Variants in GNG2 observed in about 807,000 individuals in gnomAD.
GNG2 encodes guanine nucleotide-binding protein G(I)/G(S)/G(O) subunit gamma-2.
In GNG2, 5 loss-of-function variants were observed where a neutral mutation model predicts 5.5. That is an observed-to-expected ratio of 0.91 (90% CI 0.48 to 1.92). GNG2 has a LOEUF of 1.92. GNG2 is among the 30% of genes most tolerant of loss of function. The probability of loss-of-function intolerance (pLI) is 0.01; values close to 1 mark genes in which losing one functional copy is unlikely to be tolerated. For synonymous variants in GNG2, 28 were observed against 32.0 expected, an observed-to-expected ratio of 0.88 and a Z score of 0.42; for missense variants, 55 against 88.4, an observed-to-expected ratio of 0.62 and a Z score of 1.52.
chr14:51,889,809 G>A (rs926155842), intron 2 of GNG2, among the ~76,000 whole-genome samples: 3 of 152,252 alleles, frequency 2.0e-5, no homozygotes, highest in Non-Finnish European at 4.4e-5. Flanking sequence ...TTGGTTTATT[G>A]GAGATAATAA....
chr14:51,881,701 CTTTTTTT>C lies in GNG2; in HGVS notation c.-30+4061_-30+4067del, dbSNP rs58544362. Among the ~76,000 whole-genome samples, 211 of 104,222 alleles carry C rather than the reference CTTTTTTT, an allele frequency of 2.0e-3. 2 individuals carry two copies. Among genetic ancestry groups the C allele is most frequent in the Middle Eastern group, 7.0e-3 (1 of 142 alleles). 68.4% of individuals were successfully genotyped at this position (104,222 alleles called of 152,430 possible). ...CATTTGACTTTTAGGAGCTGGAAGA[CTTTTTTT>C]TTTTTTTTTTTTTTTTAACGTATTT... On this transcript the variant is annotated intron_variant, in intron 2 of 3. Transcript: ENST00000556766.
chr14:51,968,058 T>G lies in GNG2; in HGVS notation c.*1371T>G, dbSNP rs1890024339. 6.6e-6 allele frequency: 1 copy of G among 152,236 alleles called. No homozygotes were observed. The highest frequency in any genetic ancestry group is 1.5e-5 in the Non-Finnish European group (1 of 68,040). 9.4% of individuals were successfully genotyped at this position (152,236 alleles called of 1,614,324 possible). A position where few individuals can be genotyped will look rare whatever the true frequency, so the allele number is the denominator to read the frequency against. On this transcript the variant is annotated 3_prime_UTR_variant, in exon 4 of 4. Coordinates refer to ENST00000556766, the MANE Select transcript of GNG2 (RefSeq NM_053064.5). ...TCTTGGTTTTTCACTTAACAAATTTTTTAATGGAATCTTTGTTTTTGTTCT... is the reference window on the plus strand; with the variant it reads ...TCTTGGTTTTTCACTTAACAAATTTGTTAATGGAATCTTTGTTTTTGTTCT...
At chr14:51,939,348 T>C (rs1469784411) in intron 2 of GNG2, among the ~76,000 whole-genome samples, 2 of 152,240 alleles carry the variant, frequency 1.3e-5, no homozygotes, top group East Asian at 1.9e-4. Context: ...TCGAGGACTC[T>C]GTTTTTTGTC....
intron 2 of GNG2, among the ~76,000 whole-genome samples, chr14:51,849,315 C>A (rs1881800600): frequency 6.6e-6 from 1 of 152,240 alleles, no homozygotes; most frequent in Admixed American, 6.5e-5. Context: ...AAGGTGGAAG[C>A]TACAGGGCCT....
chr14:51,922,855 G>T (rs1887095544), intron 2 of GNG2, among the ~76,000 whole-genome samples: 2 of 152,160 alleles, frequency 1.3e-5, no homozygotes, highest in Non-Finnish European at 2.9e-5. Context: ...TCCAGTCAAA[G>T]ATTGCAACTG....
chr14:51,937,191 G>A (rs187398482), intron 2 of GNG2, among the ~76,000 whole-genome samples: 1 of 152,298 alleles, frequency 6.6e-6, no homozygotes, highest in East Asian at 1.9e-4. Context: ...TTTAAAAACA[G>A]TATTGATTGA....
intron 1 of GNG2, chr14:51,874,232 C>G (rs1883496663): frequency 6.6e-6 from 1 of 152,210 alleles, no homozygotes; most frequent in African/African-American, 2.4e-5. Context: ...TCAAGACCAT[C>G]CTGGCTAACG....
At chr14:51,882,157 C>T (rs760502450) in intron 2 of GNG2, among the ~76,000 whole-genome samples, 4 of 151,972 alleles carry the variant, frequency 2.6e-5, no homozygotes, top group African/African-American at 9.7e-5. Context: ...GGTTTCCTTC[C>T]GGGGTGATGG....
In GNG2 at chr14:51,950,794, C is replaced by G. The variant is rs577143990; in HGVS notation, c.87+29C>G. 2.5e-4 allele frequency: 351 copies of G among 1,403,664 alleles called. No homozygotes were observed. The East Asian group carries it at 3.0e-3, about 12-fold the overall frequency. The allele number at this position is 1,403,664 out of a possible 1,614,324, so 87.0% of individuals were successfully genotyped here. On this transcript the variant is annotated intron_variant, in intron 3 of 3. Transcript: ENST00000556766. Reference sequence around the variant, plus strand: ...AGGATGGTCTAACCCCACACTTCATCTAGCGTGAGTCTAAGGCGCATGTCA... The same window carrying G: ...AGGATGGTCTAACCCCACACTTCATGTAGCGTGAGTCTAAGGCGCATGTCA...
intron 1 of GNG2, among the ~76,000 whole-genome samples, chr14:51,864,865 A>C (rs1263175660): frequency 6.6e-6 from 1 of 152,210 alleles, no homozygotes; most frequent in Non-Finnish European, 1.5e-5. Flanking sequence ...CAATACAACA[A>C]GTTTCTGAGA....
chr14:51,834,260 C>T (rs1881275471), intron 2 of GNG2, among the ~76,000 whole-genome samples: 1 of 152,232 alleles, frequency 6.6e-6, no homozygotes. Context: ...CTTACCTATA[C>T]ATTGAAGTTC....
chr14:51,869,764 C>T (rs868517852), intron 1 of GNG2, among the ~76,000 whole-genome samples: 6 of 152,332 alleles, frequency 3.9e-5, no homozygotes, highest in East Asian at 3.9e-4. Flanking sequence ...CCACCCACCT[C>T]GGCCTCCCAA....
At chr14:51,912,703 T>C (rs886331992) in intron 2 of GNG2, among the ~76,000 whole-genome samples, 1 of 152,236 alleles carries the variant, frequency 6.6e-6, no homozygotes, top group Non-Finnish European at 1.5e-5. Flanking sequence ...GCCTGGATGC[T>C]TTCTTCTAAG....
chr14:51,869,211 C>T (rs192668351), intron 1 of GNG2, among the ~76,000 whole-genome samples: 19 of 152,278 alleles, frequency 1.2e-4, no homozygotes, highest in Admixed American at 5.9e-4. Context: ...AATAACCCTA[C>T]GAAATAAGGA....
chr14:51,856,991 G>A (rs537815743), upstream of GNG2, among the ~76,000 whole-genome samples: 18 of 152,236 alleles, frequency 1.2e-4, no homozygotes, highest in Admixed American at 9.8e-4. Context: ...TCACTCAAAG[G>A]AATGGAATTT....
At chr14:51,839,399 A>G (rs113470223) in intron 2 of GNG2, among the ~76,000 whole-genome samples, 3,613 of 152,294 alleles carry the variant, frequency 0.024, 50 homozygotes, top group African/African-American at 0.036. Context: ...GATGACTTCG[A>G]GTTCTGTCTG....
intron 2 of GNG2, among the ~76,000 whole-genome samples, chr14:51,853,767 T>C (rs1035079600): frequency 6.6e-6 from 1 of 152,230 alleles, no homozygotes; most frequent in Non-Finnish European, 1.5e-5. Flanking sequence ...CTGACATTCC[T>C]TTTAAAGGAC....
intron 2 of GNG2, among the ~76,000 whole-genome samples, chr14:51,947,134 A>G (rs994336532): frequency 1.3e-5 from 2 of 152,062 alleles, no homozygotes; most frequent in African/African-American, 4.8e-5. Flanking sequence ...CTACTGCCCC[A>G]TGCCTCTTCT....
chr14:51,955,941 T>C (rs933038868), intron 3 of GNG2, among the ~76,000 whole-genome samples: 8 of 152,208 alleles, frequency 5.3e-5, no homozygotes, highest in African/African-American at 7.2e-5. Flanking sequence ...TTGAACTTCA[T>C]GGAACCCTGT....
Sources: allele counts gnomAD v4.1 joint callset (sites outside exome capture counted in the v4.1 genomes callset), GRCh38; gene constraint gnomAD v4.1.1; transcripts MANE v1.5; gene names NCBI Gene and HGNC (gene_info 2026-07-23, HGNC 2026-07-21).